Variants in METTL15 observed in about 807,000 individuals in gnomAD.
The protein encoded by METTL15 is 12S rRNA N(4)-cytidine methyltransferase METTL15.
A neutral mutation model predicts 38.3 loss-of-function variants in METTL15; 34 were observed. The ratio of observed to expected loss-of-function variants is 0.89; its 90% confidence interval spans 0.68 to 1.18. METTL15 has a LOEUF of 1.18. Ranked by LOEUF, METTL15 falls within the 50% of genes most tolerant of loss-of-function variation. METTL15 has a pLI of 0.00. For synonymous variants in METTL15, 162 were observed against 170.9 expected (o/e 0.95, Z 0.41); for missense variants, 438 against 498.4 (o/e 0.88, Z 1.15).
intron 6 of METTL15, among the ~76,000 whole-genome samples, chr11:28,463,425 A>T (rs1312349792): frequency 6.6e-6 from 1 of 152,182 alleles, no homozygotes; most frequent in Non-Finnish European, 1.5e-5. Flanking sequence ...AATGATTATA[A>T]TAATTATAAG....
intron 4 of METTL15, among the ~76,000 whole-genome samples, chr11:28,233,547 C>A (rs1336948558): frequency 7.2e-5 from 11 of 151,864 alleles, no homozygotes; most frequent in South Asian, 2.1e-4. Flanking sequence ...TATTGTTGGG[C>A]AAGTTACTCC....
intron 4 of METTL15, among the ~76,000 whole-genome samples, chr11:28,230,426 A>G (rs1342507289): frequency 6.6e-6 from 1 of 151,972 alleles, no homozygotes; most frequent in Non-Finnish European, 1.5e-5. Context: ...AACTTGAGAT[A>G]ATCCATTTTT....
At chr11:28,108,980 A>G (rs573584770) in intron 1 of METTL15, among the ~76,000 whole-genome samples, 1 of 152,310 alleles carries the variant, frequency 6.6e-6, no homozygotes, top group East Asian at 1.9e-4. Flanking sequence ...TCATTGTTCT[A>G]TATATTACTG....
At chr11:28,287,313 G>T in intron 4 of METTL15, 1 of 238,700 alleles carries the variant, frequency 4.2e-6, no homozygotes, top group African/African-American at 2.3e-5. Context: ...GGCTGAGGTT[G>T]TCATTACAAT....
At chr11:28,249,819 A>T (rs2133920429) in intron 4 of METTL15, among the ~76,000 whole-genome samples, 1 of 152,004 alleles carries the variant, frequency 6.6e-6, no homozygotes, top group South Asian at 2.1e-4. Flanking sequence ...AGATTATTTC[A>T]TCCCCCAGGT....
At chr11:28,283,131 C>G (rs1565222782) in intron 4 of METTL15, among the ~76,000 whole-genome samples, 2 of 152,208 alleles carry the variant, frequency 1.3e-5, no homozygotes, top group East Asian at 3.9e-4. Context: ...AGTGTTACAT[C>G]CTAGGAGGAT....
At chr11:28,433,965 T>C (rs1054732220) in intron 6 of METTL15, among the ~76,000 whole-genome samples, 1 of 152,162 alleles carries the variant, frequency 6.6e-6, no homozygotes, top group Non-Finnish European at 1.5e-5. Flanking sequence ...TGAAGGATGG[T>C]CTCCTTGGGC....
At chr11:28,241,310 G>A (rs1460001097) in intron 4 of METTL15, among the ~76,000 whole-genome samples, 1 of 152,014 alleles carries the variant, frequency 6.6e-6, no homozygotes, top group East Asian at 1.9e-4. Context: ...GAGGCAGGCG[G>A]ATCGCAAGGT....
At chr11:28,376,876 ATTTG>A in intron 5 of METTL15, among the ~76,000 whole-genome samples, 4 of 141,300 alleles carry the variant, frequency 2.8e-5, no homozygotes, top group Non-Finnish European at 6.3e-5. Context: ...ATCTCTCAGC[ATTTG>A]CTTGTCTGTA....
At chr11:28,208,046 G>C (rs371455465) in intron 3 of METTL15, among the ~76,000 whole-genome samples, 27 of 151,496 alleles carry the variant, frequency 1.8e-4, no homozygotes, top group African/African-American at 5.8e-4. Context: ...TTTGTTGATC[G>C]TTTCAAAAAA....
At chr11:28,530,692 T>C (rs1851839378), downstream of METTL15, among the ~76,000 whole-genome samples, 1 of 151,994 alleles carries the variant, frequency 6.6e-6, no homozygotes, top group Non-Finnish European at 1.5e-5. Flanking sequence ...TGCCACTAAA[T>C]AAGAGATTTA....
intron 6 of METTL15, 121 bp downstream of exon 6, chr11:28,297,052 G>T: frequency 1.0e-6 from 1 of 957,010 alleles, no homozygotes; most frequent in East Asian, 2.6e-5. Flanking sequence ...ACTCCCTGAG[G>T]GATTCATTTG....
intron 6 of METTL15, among the ~76,000 whole-genome samples, chr11:28,511,872 C>A (rs1265380199): frequency 6.6e-6 from 1 of 152,216 alleles, no homozygotes; most frequent in African/African-American, 2.4e-5. Flanking sequence ...ATTCTCTTAT[C>A]TGGCCCCACC....
intron 6 of METTL15, among the ~76,000 whole-genome samples, chr11:28,464,175 A>C (rs180976976): frequency 6.6e-6 from 1 of 152,324 alleles, no homozygotes. Flanking sequence ...ATGTAACACT[A>C]TCATCATGTG....
At chr11:28,214,846 A>T (rs987621787) in intron 4 of METTL15, among the ~76,000 whole-genome samples, 13 of 152,206 alleles carry the variant, frequency 8.5e-5, no homozygotes, top group African/African-American at 3.1e-4. Flanking sequence ...ATGTTTAGCT[A>T]AAAATTTAAA....
intron 4 of METTL15, among the ~76,000 whole-genome samples, chr11:28,266,997 T>G (rs1214222178): frequency 6.6e-6 from 1 of 151,686 alleles, no homozygotes. Context: ...CCATCTCTAC[T>G]AAAAATACAA....
intron 5 of METTL15, among the ~76,000 whole-genome samples, chr11:28,415,004 A>G (rs956743810): frequency 3.9e-5 from 6 of 152,216 alleles, no homozygotes; most frequent in Non-Finnish European, 7.3e-5. Context: ...AGAAAACCCA[A>G]CAGGAACTTA....
chr11:28,273,423 T>C (rs1785537370), intron 4 of METTL15, among the ~76,000 whole-genome samples: 1 of 152,102 alleles, frequency 6.6e-6, no homozygotes, highest in South Asian at 2.1e-4. Context: ...TGCCCTATTA[T>C]CAGCAGGCCC....
chr11:28,194,124 C>CTTTCTTTCTTTCTTTCTTTCT (rs1851803792), intron 3 of METTL15, among the ~76,000 whole-genome samples: 1 of 105,706 alleles, frequency 9.5e-6, no homozygotes, highest in East Asian at 3.1e-4. Context: ...GATGGTTGAT[C>CTTTCTTTCTTTCTTTCTTTCT]TTTCTTTCTT....
Sources: allele counts gnomAD v4.1 joint callset (sites outside exome capture counted in the v4.1 genomes callset), GRCh38; gene constraint gnomAD v4.1.1; transcripts MANE v1.5; gene names NCBI Gene and HGNC (gene_info 2026-07-23, HGNC 2026-07-21).